Variants in ADGRB3 observed in about 807,000 individuals in gnomAD.
ADGRB3 encodes adhesion G protein-coupled receptor B3, also known as brain-specific angiogenesis inhibitor 3.
A neutral mutation model predicts 193.4 loss-of-function variants in ADGRB3; 37 were observed. That is an observed-to-expected ratio of 0.19 (90% CI 0.15 to 0.25). The LOEUF (loss-of-function observed/expected upper bound fraction) is 0.25, where lower values mean the gene tolerates loss of function less well. Ranked by LOEUF, ADGRB3 falls within the 10% of genes least tolerant of loss-of-function variation. The pLI, the probability that ADGRB3 is intolerant of heterozygous loss-of-function variation, is 1.00. For missense variants in ADGRB3, 1,637 were observed against 1,852.9 expected (o/e 0.88, Z 2.14); for synonymous variants, 690 against 644.2 (o/e 1.07, Z -1.08).
At position 69,049,357 on chromosome 6, in the gene ADGRB3, A is replaced by G; in HGVS notation, c.2333+11A>G. ...TTTGCCCACTTTGAGGTAAGCTACA[A>G]AGTAATAAACTGTTGTAATTTTGTA... On this transcript the variant is annotated intron_variant, in intron 15 of 31. Transcript: ENST00000370598. 1 of 1,582,732 alleles carries G rather than the reference A, an allele frequency of 6.3e-7. No homozygotes were observed. The highest frequency in any genetic ancestry group is 8.7e-7 in the Non-Finnish European group (1 of 1,155,410).
intron 3 of ADGRB3, among the ~76,000 whole-genome samples, chr6:68,692,755 T>G (rs1316953751): frequency 6.6e-6 from 1 of 151,460 alleles, no homozygotes; most frequent in Non-Finnish European, 1.5e-5. Context: ...AAAATTATAT[T>G]TCTTCATCTG....
chr6:68,788,250 G>T (rs1183213066), intron 3 of ADGRB3, among the ~76,000 whole-genome samples: 1 of 152,014 alleles, frequency 6.6e-6, no homozygotes, highest in Admixed American at 6.6e-5. Flanking sequence ...TGATGTTAGG[G>T]TGTCAATTTT....
rs182216480 is a variant in ADGRB3 at position 68,901,606 on chromosome 6, T to A, written c.758-28953T>A. On this transcript the variant is annotated intron_variant, in intron 3 of 31. Transcript: ENST00000370598. ...AATTTTAACAATTAAAATATTTCTT[T>A]TGTCATTATCTATAGTACCAGTGTA... Among the ~76,000 whole-genome samples, 4 of 152,326 alleles carry A rather than the reference T, an allele frequency of 2.6e-5. No individual in the cohort carries two copies. The East Asian group carries it at 7.7e-4, about 29-fold the overall frequency.
At chr6:69,310,064 T>C (rs943218391) in intron 20 of ADGRB3, among the ~76,000 whole-genome samples, 4 of 151,752 alleles carry the variant, frequency 2.6e-5, no homozygotes, top group Non-Finnish European at 5.9e-5. Flanking sequence ...GTTTCTCAGC[T>C]CATCCACATT....
chr6:69,063,907 T>G lies in ADGRB3; in HGVS notation c.2436+871T>G, dbSNP rs141675471. Among the ~76,000 whole-genome samples, 1,180 of 152,150 alleles carry G rather than the reference T, an allele frequency of 7.8e-3. 14 individuals carry two copies. Among genetic ancestry groups the G allele is most frequent in the African/African-American group, 0.026 (1,098 of 41,566 alleles). On this transcript the variant is annotated intron_variant, in intron 16 of 31. Transcript: ENST00000370598. ...TACTTTCATAGTTCCTGTATTAAAA[T>G]AAGTCAGTTTCATGATTTACTTGTA...
intron 17 of ADGRB3, among the ~76,000 whole-genome samples, chr6:69,211,272 C>G (rs1191381796): frequency 6.6e-6 from 1 of 152,058 alleles, no homozygotes; most frequent in Non-Finnish European, 1.5e-5. Context: ...ATCTTGGGGC[C>G]TGAATTGGAG....
At chr6:69,324,052 G>A (rs776104755) in intron 20 of ADGRB3, among the ~76,000 whole-genome samples, 8 of 152,016 alleles carry the variant, frequency 5.3e-5, no homozygotes, top group Non-Finnish European at 1.2e-4. Context: ...ATTTCAACAA[G>A]ATTTATAAAG....
intron 3 of ADGRB3, among the ~76,000 whole-genome samples, chr6:68,734,256 G>A (rs1483040092): frequency 2.0e-5 from 3 of 151,928 alleles, no homozygotes; most frequent in African/African-American, 7.2e-5. Flanking sequence ...TATGCCATAT[G>A]TTAGAGGAAT....
At chr6:68,775,657 A>G (rs923500472) in intron 3 of ADGRB3, among the ~76,000 whole-genome samples, 1 of 152,070 alleles carries the variant, frequency 6.6e-6, no homozygotes, top group Non-Finnish European at 1.5e-5. Flanking sequence ...GAGATTTCAA[A>G]ACAACAGGTA....
intron 20 of ADGRB3, among the ~76,000 whole-genome samples, chr6:69,297,743 C>A (rs1582614592): frequency 6.6e-6 from 1 of 151,712 alleles, no homozygotes; most frequent in East Asian, 1.9e-4. Flanking sequence ...AAAAAAGCAC[C>A]TATAGTTGCA....
At chr6:69,245,981 C>T (rs1025436679) in intron 20 of ADGRB3, among the ~76,000 whole-genome samples, 2 of 152,068 alleles carry the variant, frequency 1.3e-5, no homozygotes. Flanking sequence ...GTTAGTCTTA[C>T]GAAAAGTAGA....
intron 20 of ADGRB3, among the ~76,000 whole-genome samples, chr6:69,308,868 A>G (rs909955893): frequency 1.3e-5 from 2 of 151,686 alleles, no homozygotes; most frequent in African/African-American, 4.8e-5. Context: ...AATATTATCC[A>G]AAGTTTTACA....
chr6:69,303,652 C>T (rs943850098), intron 20 of ADGRB3, among the ~76,000 whole-genome samples: 10 of 151,774 alleles, frequency 6.6e-5, no homozygotes, highest in African/African-American at 1.5e-4. Flanking sequence ...CTTTAGAGTC[C>T]GCCTAATCTG....
intron 20 of ADGRB3, among the ~76,000 whole-genome samples, chr6:69,274,374 C>T (rs546793129): frequency 1.5e-4 from 23 of 152,070 alleles, no homozygotes; most frequent in Non-Finnish European, 3.1e-4. Flanking sequence ...AGTTCATTAC[C>T]GAAGCAGCGG....
chr6:69,040,381 C>T (rs1277670537), intron 13 of ADGRB3, among the ~76,000 whole-genome samples: 2 of 56,050 alleles, frequency 3.6e-5, no homozygotes, highest in East Asian at 4.9e-4. Flanking sequence ...TTCTTTCCTT[C>T]TCTCTCTTTC....
intron 26 of ADGRB3, among the ~76,000 whole-genome samples, chr6:69,350,008 T>A (rs987954576): frequency 6.6e-6 from 1 of 152,170 alleles, no homozygotes; most frequent in South Asian, 2.1e-4. Flanking sequence ...CCAGCTGCCT[T>A]CAGAGCGAAG....
intron 17 of ADGRB3, among the ~76,000 whole-genome samples, chr6:69,118,698 T>C (rs555743870): frequency 3.3e-5 from 5 of 151,498 alleles, no homozygotes; most frequent in African/African-American, 1.2e-4. Flanking sequence ...TCCCAGATGT[T>C]CTCAATATCA....
chr6:68,728,670 T>C (rs1765718298), intron 3 of ADGRB3, among the ~76,000 whole-genome samples: 1 of 151,546 alleles, frequency 6.6e-6, no homozygotes, highest in Non-Finnish European at 1.5e-5. Context: ...CCTGATAACA[T>C]CCTTATGATG....
At chr6:69,019,367 T>C (rs1582398168) in intron 13 of ADGRB3, among the ~76,000 whole-genome samples, 1 of 152,140 alleles carries the variant, frequency 6.6e-6, no homozygotes, top group Non-Finnish European at 1.5e-5. Flanking sequence ...TATTTATGCT[T>C]TAGTTTCTGG....
Sources: gnomAD v4.1 joint callset for allele counts (sites outside exome capture counted in the v4.1 genomes callset) on GRCh38, gnomAD v4.1.1 for gene constraint, MANE v1.5 for transcripts, NCBI Gene and HGNC (gene_info 2026-07-23, HGNC 2026-07-21) for gene names.